Variants in RNF17 observed in about 807,000 individuals in gnomAD.
RNF17 encodes spermatogenesis associated 23.
A neutral mutation model predicts 200.5 loss-of-function variants in RNF17; 31 were observed. That is an observed-to-expected ratio of 0.15 (90% CI 0.12 to 0.21). RNF17 has a LOEUF of 0.21. Among genes scored for constraint, RNF17 ranks in the 10% least tolerant of loss-of-function variants. The pLI is 1.00. For synonymous variants in RNF17, 606 were observed against 637.8 expected (o/e 0.95, Z 0.75); for missense variants, 1,628 against 1,905.1 (o/e 0.85, Z 2.71).
intron 31 of RNF17, 118 bp from the exon 32 acceptor site, chr13:24,870,453 A>T (rs1170075287): frequency 5.6e-6 from 4 of 714,238 alleles, no homozygotes; most frequent in African/African-American, 5.4e-5. Flanking sequence ...GAATATCAGG[A>T]GGTGTAGGGG....
At chr13:24,849,440 T>C (rs1891607386) in intron 22 of RNF17, among the ~76,000 whole-genome samples, 1 of 152,222 alleles carries the variant, frequency 6.6e-6, no homozygotes, top group African/African-American at 2.4e-5. Context: ...TATGAAATTT[T>C]TTTGAGTTTT....
intron 10 of RNF17, 63 bp from the exon 11 acceptor site, chr13:24,796,073 TC>T (rs1389117931): frequency 6.1e-5 from 79 of 1,285,886 alleles, no homozygotes; most frequent in Non-Finnish European, 8.2e-5. Context: ...TTATGGTTGT[TC>T]AGCTTTCATG....
intron 30 of RNF17, among the ~76,000 whole-genome samples, chr13:24,866,815 A>G (rs1451414623): frequency 2.6e-5 from 4 of 152,166 alleles, no homozygotes; most frequent in Admixed American, 1.3e-4. Flanking sequence ...TGTGGTAACT[A>G]TGTTTAACAT....
At chr13:24,749,310 T>TTTTTTC in the RNF17 span, among the ~76,000 whole-genome samples, 2 of 134,178 alleles carry the variant, frequency 1.5e-5, no homozygotes, top group African/African-American at 5.5e-5. Flanking sequence ...TTTCTTTCTT[T>TTTTTTC]TTTTTTTTTT....
At chr13:24,877,465 ATTAAC>A (rs750295229) in intron 34 of RNF17, among the ~76,000 whole-genome samples, 29 of 152,318 alleles carry the variant, frequency 1.9e-4, no homozygotes, top group East Asian at 1.5e-3. Context: ...GTATCCCATA[ATTAAC>A]TTATAATGGG....
At chr13:24,838,860 T>C (rs562457677) in intron 18 of RNF17, among the ~76,000 whole-genome samples, 1 of 151,848 alleles carries the variant, frequency 6.6e-6, no homozygotes, top group Non-Finnish European at 1.5e-5. Context: ...GGCATCCAAA[T>C]CAGTAAAGAA....
At chr13:24,782,677 A>C (rs1231560257) in intron 6 of RNF17, among the ~76,000 whole-genome samples, 1 of 151,996 alleles carries the variant, frequency 6.6e-6, no homozygotes, top group Non-Finnish European at 1.5e-5. Flanking sequence ...TCTGTACAAA[A>C]CAAAAAAAAA....
intron 9 of RNF17, among the ~76,000 whole-genome samples, chr13:24,790,946 T>G (rs546215421): frequency 1.3e-5 from 2 of 152,286 alleles, no homozygotes; most frequent in South Asian, 4.1e-4. Flanking sequence ...CCTCTTAATG[T>G]CACCACAATG....
At chr13:24,883,641 T>A (rs1235636646), downstream of RNF17, among the ~76,000 whole-genome samples, 3 of 152,214 alleles carry the variant, frequency 2.0e-5, no homozygotes, top group Non-Finnish European at 4.4e-5. Context: ...GTTGTTATAT[T>A]AAAAGGGACC....
intron 19 of RNF17, among the ~76,000 whole-genome samples, chr13:24,842,813 C>T (rs3759461): frequency 0.23 from 34,967 of 151,712 alleles, 4,496 homozygotes; most frequent in Non-Finnish European, 0.29. Flanking sequence ...GTTGTAACCC[C>T]ATCTCTACTA....
chr13:24,826,819 G>T (rs1426062668), intron 16 of RNF17, among the ~76,000 whole-genome samples: 1 of 151,596 alleles, frequency 6.6e-6, no homozygotes, highest in African/African-American at 2.4e-5. Context: ...CCAGCACTTT[G>T]GGAGGCCAAG....
At chr13:24,844,051 C>T in intron 20 of RNF17, 80 bp downstream of exon 20, 2 of 469,170 alleles carry the variant, frequency 4.3e-6, no homozygotes, top group Non-Finnish European at 7.0e-6. Flanking sequence ...ATCTAGAAGT[C>T]ATAAATGTAG....
the RNF17 span, among the ~76,000 whole-genome samples, chr13:24,753,182 T>C: frequency 0.24 from 36,605 of 152,186 alleles, 5,156 homozygotes; most frequent in East Asian, 0.46. Flanking sequence ...TCTGGCAAAA[T>C]AGAACTTCTG....
the RNF17 span, among the ~76,000 whole-genome samples, chr13:24,750,182 A>G: frequency 6.6e-6 from 1 of 152,226 alleles, no homozygotes; most frequent in Non-Finnish European, 1.5e-5. Flanking sequence ...CAGAAAAAAT[A>G]AAAACTACAT....
At chr13:24,850,107 T>A (rs1307436267) in intron 22 of RNF17, among the ~76,000 whole-genome samples, 4 of 151,884 alleles carry the variant, frequency 2.6e-5, no homozygotes, top group Non-Finnish European at 5.9e-5. Flanking sequence ...AAGATACACA[T>A]AAATAAGTTA....
intron 15 of RNF17, chr13:24,824,226 C>CTT (rs1247549795): frequency 3.9e-5 from 28 of 713,554 alleles, no homozygotes; most frequent in Non-Finnish European, 7.3e-5. Context: ...GGTTGAGACA[C>CTT]TTTCTCATTT....
intron 20 of RNF17, 82 bp from the exon 21 acceptor site, chr13:24,844,570 C>A: frequency 9.0e-7 from 1 of 1,116,714 alleles, no homozygotes; most frequent in Non-Finnish European, 1.3e-6. Flanking sequence ...GCGGAATGAG[C>A]AAGCGGAGAT....
chr13:24,860,707 G>A (rs935515276), intron 26 of RNF17, among the ~76,000 whole-genome samples: 1 of 151,922 alleles, frequency 6.6e-6, no homozygotes, highest in African/African-American at 2.4e-5. Flanking sequence ...TTGCTCTTGA[G>A]GAATTTGTAA....
At chr13:24,879,085 C>T (rs1184462970) in intron 34 of RNF17, 102 bp from the exon 35 acceptor site, 3 of 777,596 alleles carry the variant, frequency 3.9e-6, no homozygotes, top group African/African-American at 3.5e-5. Context: ...TCAATAGGCC[C>T]CTGAGAACAC....
Sources: allele counts gnomAD v4.1 joint callset (sites outside exome capture counted in the v4.1 genomes callset), GRCh38; gene constraint gnomAD v4.1.1; transcripts MANE v1.5; gene names NCBI Gene and HGNC (gene_info 2026-07-23, HGNC 2026-07-21).